KCNH8: variants seen among roughly 807,000 people sequenced by gnomAD.
The protein encoded by KCNH8 is potassium voltage-gated channel subfamily H member 8.
A neutral mutation model predicts 103.6 loss-of-function variants in KCNH8; 70 were observed. That is an observed-to-expected ratio of 0.68 (90% CI 0.56 to 0.82). The LOEUF is 0.82. Among genes scored for constraint, KCNH8 ranks in the 40% least tolerant of loss-of-function variants. The pLI is 0.00. For missense variants in KCNH8, 1,217 were observed against 1,329.9 expected (o/e 0.92, Z 1.32); for synonymous variants, 498 against 489.4 (o/e 1.02, Z -0.23).
intron 2 of KCNH8, among the ~76,000 whole-genome samples, chr3:19,262,143 A>T (rs946539419): frequency 6.6e-6 from 1 of 151,736 alleles, no homozygotes; most frequent in Non-Finnish European, 1.5e-5. Context: ...GTCTGTGGAT[A>T]TGTCATTGAG....
intron 1 of KCNH8, among the ~76,000 whole-genome samples, chr3:19,175,578 T>C (rs2063391914): frequency 6.6e-6 from 1 of 152,250 alleles, no homozygotes; most frequent in Non-Finnish European, 1.5e-5. Flanking sequence ...CTCCATAGAA[T>C]GGCAATGAAT....
chr3:19,466,254 T>TG (rs1380827320), intron 11 of KCNH8, among the ~76,000 whole-genome samples: 7 of 152,078 alleles, frequency 4.6e-5, no homozygotes, highest in Middle Eastern at 3.2e-3. Flanking sequence ...ATGAGTGAAG[T>TG]GGTTTCTTGA....
intron 11 of KCNH8, among the ~76,000 whole-genome samples, chr3:19,504,930 G>C (rs1471699164): frequency 2.0e-5 from 3 of 150,796 alleles, no homozygotes; most frequent in Non-Finnish European, 2.9e-5. Context: ...CAATCTACAA[G>C]CCCACTGATA....
rs138531032 is a variant in KCNH8, at chr3:19,438,239, G to A, written c.1253G>A (p.Arg418Gln). ...GNNTLGGPSI[R>Q]SAYIAALYFT... ...AATACCTTGGGGGGCCCGTCGATCC[G>A]AAGTGCCTATATTGCCGCTCTGTAC... Residue 418 changes from arginine to glutamine, a missense_variant, in exon 8 of 16, where the codon CGA becomes CAA. Transcript: ENST00000328405. The A allele has an allele frequency of 1.6e-3, 2,567 of 1,614,058 alleles. 6 individuals carry two copies. Among genetic ancestry groups the A allele is most frequent in the Non-Finnish European group, 1.9e-3 (2,198 of 1,179,998 alleles).
chr3:19,331,757 C>A (rs75245650), intron 3 of KCNH8, among the ~76,000 whole-genome samples: 1 of 152,014 alleles, frequency 6.6e-6, no homozygotes, highest in South Asian at 2.1e-4. Flanking sequence ...CCAATTATAC[C>A]CTTTTAAGTT....
At chr3:19,381,697 A>G (rs1199454008) in intron 5 of KCNH8, among the ~76,000 whole-genome samples, 1 of 151,784 alleles carries the variant, frequency 6.6e-6, no homozygotes, top group East Asian at 2.0e-4. Context: ...GCTAAAAGGG[A>G]AAAAAAAGAG....
chr3:19,516,562 T>C (rs562347338), intron 14 of KCNH8, among the ~76,000 whole-genome samples: 47 of 152,200 alleles, frequency 3.1e-4, no homozygotes, highest in African/African-American at 1.0e-3. Flanking sequence ...GACACCTCAA[T>C]TGGATGTTTA....
At chr3:19,352,399 G>A (rs2065815939) in intron 5 of KCNH8, among the ~76,000 whole-genome samples, 1 of 152,104 alleles carries the variant, frequency 6.6e-6, no homozygotes, top group Non-Finnish European at 1.5e-5. Context: ...GACATCTACA[G>A]AACTCTCCAC....
intron 11 of KCNH8, among the ~76,000 whole-genome samples, chr3:19,498,229 G>A (rs749716457): frequency 4.5e-4 from 68 of 152,074 alleles, no homozygotes; most frequent in Non-Finnish European, 6.2e-4. Context: ...AGCATTTAGC[G>A]CATTTACATT....
At chr3:19,229,549 A>G (rs920341940) in intron 1 of KCNH8, among the ~76,000 whole-genome samples, 2 of 152,220 alleles carry the variant, frequency 1.3e-5, no homozygotes, top group African/African-American at 2.4e-5. Flanking sequence ...GATCAGCTGG[A>G]CACAGGGCAC....
rs991746854 is a variant in KCNH8, at chr3:19,296,325, T to C, written c.442+14996T>C. Among the ~76,000 whole-genome samples the C allele has an allele frequency of 3.9e-5, 6 of 152,226 alleles. No homozygotes were observed. In the East Asian group the frequency reaches 1.2e-3, roughly 29 times the overall value. On this transcript the variant is annotated intron_variant, in intron 3 of 15. Transcript: ENST00000328405. The stretch of plus-strand genomic sequence containing the variant: ...GAGGATGAAAATTTTGCCCAAGTAT[T>C]AATTTCTCAAAGCAGACACTCATAT...
chr3:19,325,677 A>G (rs1234336516), intron 3 of KCNH8, among the ~76,000 whole-genome samples: 3 of 152,220 alleles, frequency 2.0e-5, no homozygotes, highest in Admixed American at 1.3e-4. Flanking sequence ...TGAAATGTCA[A>G]AAAGTAACAG....
chr3:19,296,949 G>T (rs2065003729), intron 3 of KCNH8, among the ~76,000 whole-genome samples: 1 of 151,558 alleles, frequency 6.6e-6, no homozygotes, highest in African/African-American at 2.4e-5. Flanking sequence ...ATTAGAAATA[G>T]AATATTCCAA....
At chr3:19,427,703 A>G (rs1414463469) in intron 7 of KCNH8, among the ~76,000 whole-genome samples, 1 of 152,214 alleles carries the variant, frequency 6.6e-6, no homozygotes, top group Non-Finnish European at 1.5e-5. Flanking sequence ...TACACAGAAC[A>G]TTAAAACCCC....
intron 3 of KCNH8, among the ~76,000 whole-genome samples, chr3:19,316,589 A>G (rs1185040452): frequency 1.3e-5 from 2 of 151,986 alleles, no homozygotes; most frequent in South Asian, 2.1e-4. Context: ...TCCTCCAAAA[A>G]GGGCTATCTC....
intron 1 of KCNH8, among the ~76,000 whole-genome samples, chr3:19,249,628 A>G (rs1414061287): frequency 2.6e-5 from 4 of 152,202 alleles, no homozygotes; most frequent in Admixed American, 6.5e-5. Context: ...TTCATAAACA[A>G]TTATAAAGAT....
chr3:19,353,139 A>G (rs2065828243), intron 5 of KCNH8, among the ~76,000 whole-genome samples: 1 of 152,242 alleles, frequency 6.6e-6, no homozygotes, highest in Admixed American at 6.5e-5. Context: ...TCTAGAAGAA[A>G]TGGATAAATT....
rs1391052780 is a variant in KCNH8, at chr3:19,395,142, G to A, written c.1008G>A (p.Leu336=). 6 of 1,611,414 alleles carry A rather than the reference G, an allele frequency of 3.7e-6. No individual in the cohort carries two copies. The highest frequency in any genetic ancestry group is 3.3e-5 in the Admixed American group (2 of 59,756). ...ATCTTCTAAAGACAGTGCGCCTCTT[G>A]CGTCTTTTGCGTCTGCTGCAGAAGT... ...LVHLLKTVRL[L]RLLRLLQKLD... Residue 336 remains leucine, a synonymous_variant, in exon 7 of 16, where the codon TTG becomes TTA. Coordinates refer to ENST00000328405, the MANE Select transcript of KCNH8 (RefSeq NM_144633.3).
At chr3:19,177,248 G>A (rs1191520413) in intron 1 of KCNH8, among the ~76,000 whole-genome samples, 1 of 152,084 alleles carries the variant, frequency 6.6e-6, no homozygotes, top group Non-Finnish European at 1.5e-5. Context: ...TCAGCCACAG[G>A]TGGGAATGTG....
Sources: allele counts gnomAD v4.1 joint callset (sites outside exome capture counted in the v4.1 genomes callset), GRCh38; gene constraint gnomAD v4.1.1; transcripts MANE v1.5; gene names NCBI Gene and HGNC (gene_info 2026-07-23, HGNC 2026-07-21).